GPHN: variants seen among roughly 807,000 people sequenced by gnomAD.
The protein encoded by GPHN is gephyrin.
A neutral mutation model predicts 95.5 loss-of-function variants in GPHN; 17 were observed. The observed-to-expected ratio is 0.18, with a 90% CI of 0.12 to 0.27. The LOEUF (loss-of-function observed/expected upper bound fraction) is 0.27. Ranked by LOEUF, GPHN falls within the 10% of genes least tolerant of loss-of-function variation. The pLI is 1.00. For missense variants in GPHN, 660 were observed against 978.1 expected, an observed-to-expected ratio of 0.67 and a Z score of 4.34; for synonymous variants, 320 against 322.5, an observed-to-expected ratio of 0.99 and a Z score of 0.08.
chr14:67,023,292 G>A (rs924383766), intron 9 of GPHN, among the ~76,000 whole-genome samples: 1 of 151,898 alleles, frequency 6.6e-6, no homozygotes, highest in Admixed American at 6.6e-5. Flanking sequence ...TATACTGAAT[G>A]CCTTACTATT....
At chr14:67,041,791 A>G (rs1284241355) in intron 10 of GPHN, among the ~76,000 whole-genome samples, 2 of 152,214 alleles carry the variant, frequency 1.3e-5, no homozygotes, top group Non-Finnish European at 2.9e-5. Context: ...ATGAATCGCC[A>G]CACTGTCTTC....
intron 2 of GPHN, among the ~76,000 whole-genome samples, chr14:66,711,995 G>A (rs1048341972): frequency 1.1e-4 from 17 of 152,078 alleles, no homozygotes; most frequent in Non-Finnish European, 2.4e-4. Flanking sequence ...TATCATTGAT[G>A]GACATTTGGG....
the GPHN span, among the ~76,000 whole-genome samples, chr14:67,234,468 C>T: frequency 7.9e-5 from 12 of 152,104 alleles, no homozygotes; most frequent in Non-Finnish European, 1.6e-4. Context: ...TTGCATTTAA[C>T]GAAGTGGCTG....
chr14:67,199,416 C>T, the GPHN span: 7 of 1,613,606 alleles, frequency 4.3e-6, no homozygotes, highest in Non-Finnish European at 5.9e-6. Flanking sequence ...CTTTATGATA[C>T]TTTCAGCGCC....
At chr14:66,868,246 A>G (rs74342163) in intron 4 of GPHN, among the ~76,000 whole-genome samples, 2,039 of 152,330 alleles carry the variant, frequency 0.013, 58 homozygotes, top group African/African-American at 0.045. Context: ...TCAGGTTACA[A>G]GCACATGAGT....
the GPHN span, among the ~76,000 whole-genome samples, chr14:67,462,157 A>G: frequency 6.6e-6 from 1 of 152,334 alleles, no homozygotes; most frequent in South Asian, 2.1e-4. Context: ...AGCTCAGAGC[A>G]TGAGCAGCAT....
At chr14:67,706,433 G>C in the GPHN span, among the ~76,000 whole-genome samples, 1 of 152,170 alleles carries the variant, frequency 6.6e-6, no homozygotes, top group Non-Finnish European at 1.5e-5. Context: ...AAGGTGGTCA[G>C]AACACAGTTT....
the GPHN span, among the ~76,000 whole-genome samples, chr14:67,482,684 A>T: frequency 6.6e-6 from 1 of 152,174 alleles, no homozygotes; most frequent in African/African-American, 2.4e-5. Flanking sequence ...ACCTCCCTGA[A>T]CTTCCCCTGT....
chr14:67,056,963 T>C (rs2075604475), intron 10 of GPHN, among the ~76,000 whole-genome samples: 1 of 152,146 alleles, frequency 6.6e-6, no homozygotes, highest in Non-Finnish European at 1.5e-5. Flanking sequence ...GCCTGGGGGC[T>C]AAGCCCCTCA....
chr14:67,526,036 C>T, the GPHN span, among the ~76,000 whole-genome samples: 1 of 152,242 alleles, frequency 6.6e-6, no homozygotes, highest in Non-Finnish European at 1.5e-5. Flanking sequence ...CATCACCAAC[C>T]TTATATATGA....
the GPHN span, chr14:67,279,301 G>A: frequency 1.2e-6 from 2 of 1,613,876 alleles, no homozygotes; most frequent in East Asian, 4.5e-5. Context: ...GGAGATTTGG[G>A]CACCAGGATG....
At chr14:67,383,791 G>T in the GPHN span, 1 of 292,894 alleles carries the variant, frequency 3.4e-6, no homozygotes, top group South Asian at 3.3e-5. Context: ...GGCATCCAAG[G>T]CAAACAATCC....
intron 1 of GPHN, among the ~76,000 whole-genome samples, chr14:66,584,188 G>T (rs1471206475): frequency 2.0e-5 from 3 of 151,968 alleles, no homozygotes; most frequent in Non-Finnish European, 4.4e-5. Context: ...CTCTCTGTTT[G>T]TCTGTTATTG....
chr14:67,223,403 A>G, the GPHN span, among the ~76,000 whole-genome samples: 1 of 152,238 alleles, frequency 6.6e-6, no homozygotes, highest in African/African-American at 2.4e-5. Context: ...TTATAGGGAA[A>G]TGCTATCATA....
the GPHN span, among the ~76,000 whole-genome samples, chr14:67,193,122 A>G: frequency 7.0e-6 from 1 of 143,842 alleles, no homozygotes; most frequent in East Asian, 2.1e-4. Flanking sequence ...ATATCTCTCT[A>G]TATATCTCTA....
chr14:67,590,030 TAAGA>T, the GPHN span: 1 of 1,529,852 alleles, frequency 6.5e-7, no homozygotes, highest in Admixed American at 2.1e-5. Flanking sequence ...CCCTATGGCT[TAAGA>T]GTCATCTCCC....
intron 18 of GPHN, among the ~76,000 whole-genome samples, chr14:67,144,110 C>T (rs1015507688): frequency 1.5e-4 from 22 of 149,764 alleles, no homozygotes; most frequent in Admixed American, 7.4e-4. Flanking sequence ...TGGTGGCACG[C>T]GCCTGCAGTT....
At chr14:67,302,926 T>G in the GPHN span, among the ~76,000 whole-genome samples, 4 of 152,220 alleles carry the variant, frequency 2.6e-5, no homozygotes, top group African/African-American at 9.6e-5. Flanking sequence ...GTTCTTTTAT[T>G]TTATTATCTG....
chr14:67,230,066 A>G, the GPHN span, among the ~76,000 whole-genome samples: 1 of 152,348 alleles, frequency 6.6e-6, no homozygotes, highest in African/African-American at 2.4e-5. Flanking sequence ...GGAGATGGCT[A>G]TAGCATCATA....
Sources: allele counts gnomAD v4.1 joint callset (sites outside exome capture counted in the v4.1 genomes callset), GRCh38; gene constraint gnomAD v4.1.1; transcripts MANE v1.5; gene names NCBI Gene and HGNC (gene_info 2026-07-23, HGNC 2026-07-21).